The following MEGF6 variants were observed in gnomAD, a reference collection of about 807,000 sequenced individuals.
MEGF6 encodes multiple epidermal growth factor-like domains protein 6.
A neutral mutation model predicts 207.1 loss-of-function variants in MEGF6; 184 were observed. The observed-to-expected ratio is 0.89, with a 90% CI of 0.79 to 1.00. The LOEUF is 1.00. Ranked by LOEUF, MEGF6 falls within the 50% of genes least tolerant of loss-of-function variation. The pLI, the probability that MEGF6 is intolerant of heterozygous loss-of-function variation, is 0.00. For synonymous variants in MEGF6, 1,038 were observed against 910.0 expected, an observed-to-expected ratio of 1.14 and a Z score of -2.53; for missense variants, 2,282 against 2,202.9, an observed-to-expected ratio of 1.04 and a Z score of -0.72.
chr1:3,616,796 G>A, the MEGF6 span, among the ~76,000 whole-genome samples: 1 of 152,218 alleles, frequency 6.6e-6, no homozygotes. Flanking sequence ...AAGCGTGGCG[G>A]GGGAGAACGG....
chr1:3,508,571 G>A lies in MEGF6; in HGVS notation c.1647C>T (p.Leu549=), dbSNP rs973252966. The A allele has an allele frequency of 3.1e-6, 5 of 1,613,040 alleles. No homozygotes were observed. Among genetic ancestry groups the A allele is most frequent in the African/African-American group, 1.3e-5 (1 of 74,922 alleles). Residue 549 remains leucine (L), a synonymous_variant, in exon 13 of 37, where the codon CTC becomes CTT. Transcript: ENST00000356575. ...CAGCTGCCTCACTCTCATTGCAGAT[G>A]AGCCCAGTCCAGCCCTCGGGGCAAT... The part of the protein sequence containing the change: ...GCDCPEGWTG[L]ICNETCPPDT...
chr1:3,576,046 C>T (rs1360570967), intron 4 of MEGF6, among the ~76,000 whole-genome samples: 3 of 152,260 alleles, frequency 2.0e-5, no homozygotes, highest in African/African-American at 7.2e-5. Flanking sequence ...TAGGTTACCC[C>T]GGTCACACAG....
intron 7 of MEGF6, among the ~76,000 whole-genome samples, chr1:3,514,114 G>A (rs1474280403): frequency 3.3e-5 from 5 of 152,042 alleles, no homozygotes; most frequent in African/African-American, 4.8e-5. Context: ...CAGGCCTGGC[G>A]GCGGGTGCCT....
In MEGF6 at chr1:3,501,896, C is replaced by T. The variant is rs1640888852; in HGVS notation, c.2214G>A (p.Val738=). The T allele has an allele frequency of 6.2e-7, 1 of 1,606,132 alleles. No individual in the cohort carries two copies. The highest frequency in any genetic ancestry group is 1.1e-5 in the South Asian group (1 of 90,730). The change falls in exon 18 of 37, where the codon GTG becomes GTA. Residue 738 remains valine (V), a synonymous_variant. Transcript: ENST00000356575. ...GQECPVGTFG[V]NCSSSCSCGG... ...CACAGGAGCAGGAGCTCGAGCAGTT[C>T]ACGCCAAACGTCCCCACCGGGCACT...
At chr1:3,608,742 G>A (rs1191572469) in intron 1 of MEGF6, among the ~76,000 whole-genome samples, 4 of 152,162 alleles carry the variant, frequency 2.6e-5, no homozygotes, top group Non-Finnish European at 4.4e-5. Context: ...CTTAGCAGGT[G>A]GGCAATCGGC....
chr1:3,502,091 G>GAGTGTGCCCCC (rs1640924936), intron 17 of MEGF6, among the ~76,000 whole-genome samples, 170 bp from the exon 18 acceptor site: 9 of 1,492 alleles, frequency 6.0e-3, no homozygotes, highest in Admixed American at 0.017. Flanking sequence ...GTGCCCCCCC[G>GAGTGTGCCCCC]CGCCTCCTCA....
At chr1:3,591,298 C>T (rs993877950) in intron 3 of MEGF6, among the ~76,000 whole-genome samples, 2 of 152,180 alleles carry the variant, frequency 1.3e-5, no homozygotes, top group African/African-American at 4.8e-5. Flanking sequence ...AACCACCGAG[C>T]AGGGGGTAAG....
chr1:3,545,779 G>A (rs1642681995), intron 4 of MEGF6, among the ~76,000 whole-genome samples: 1 of 152,220 alleles, frequency 6.6e-6, no homozygotes, highest in South Asian at 2.1e-4. Context: ...GGGCTCCCAA[G>A]CCTCCCAGGC....
intron 4 of MEGF6, among the ~76,000 whole-genome samples, chr1:3,575,646 G>A (rs1017618206): frequency 1.1e-4 from 15 of 132,448 alleles, no homozygotes; most frequent in Non-Finnish European, 2.3e-4. Flanking sequence ...TACATGGATG[G>A]CAGCAGGCAA....
At chr1:3,500,172 C>T (rs1181107394) in intron 21 of MEGF6, among the ~76,000 whole-genome samples, 1 of 152,198 alleles carries the variant, frequency 6.6e-6, no homozygotes, top group East Asian at 1.9e-4. Flanking sequence ...GTCCGTAGGA[C>T]GCCCAACCCA....
At chr1:3,606,131 C>T (rs1200274668) in intron 1 of MEGF6, among the ~76,000 whole-genome samples, 4 of 152,208 alleles carry the variant, frequency 2.6e-5, no homozygotes, top group African/African-American at 7.2e-5. Context: ...TCGTGATGAA[C>T]GCACCCACCC....
At chr1:3,504,285 G>A (rs192565526) in intron 17 of MEGF6, among the ~76,000 whole-genome samples, 17 of 152,288 alleles carry the variant, frequency 1.1e-4, no homozygotes, top group African/African-American at 3.4e-4. Context: ...GGGAGGCTCC[G>A]ACCTGCCCAG....
At chr1:3,494,151 A>T in intron 32 of MEGF6, 27 bp from the exon 33 acceptor site, 1 of 1,534,460 alleles carries the variant, frequency 6.5e-7, no homozygotes, top group Non-Finnish European at 8.8e-7. Context: ...ACCACGAGAC[A>T]AGGGCACACG....
intron 3 of MEGF6, among the ~76,000 whole-genome samples, chr1:3,581,348 CACATTCAGG>C: frequency 6.6e-6 from 1 of 152,154 alleles, no homozygotes; most frequent in Non-Finnish European, 1.5e-5. Flanking sequence ...CACATCTGGC[CACATTCAGG>C]CCCTACCAGC....
chr1:3,508,683 A>G lies in MEGF6; in HGVS notation c.1535T>C (p.Leu512Pro). The G allele has an allele frequency of 6.2e-7, 1 of 1,613,186 alleles. No individual in the cohort carries two copies. The highest frequency in any genetic ancestry group is 8.5e-7 in the Non-Finnish European group (1 of 1,179,896). The change falls in exon 13 of 37, where the codon CTG becomes CCG. Residue 512 changes from leucine to proline, a missense_variant. By Grantham distance (98) the Leu-to-Pro change is moderately conservative (BLOSUM62 -3). Transcript: ENST00000356575. ...EHTLTEKFVC[L>P]DDSFGHDCSL... ...GCAGTCATGGCCAAAGGAGTCATCC[A>G]GGCAGACTGGGGGCAGACCAGGATG...
At chr1:3,543,221 T>C (rs1353310408) in intron 4 of MEGF6, among the ~76,000 whole-genome samples, 1 of 152,130 alleles carries the variant, frequency 6.6e-6, no homozygotes, top group Non-Finnish European at 1.5e-5. Context: ...CACTCAGAGC[T>C]TGATGGGGCC....
At chr1:3,552,038 C>T (rs940496530) in intron 4 of MEGF6, among the ~76,000 whole-genome samples, 3 of 152,298 alleles carry the variant, frequency 2.0e-5, no homozygotes, top group South Asian at 2.1e-4. Flanking sequence ...AGCCCAGGCA[C>T]GGGAGGGGAC....
chr1:3,616,464 C>T (rs989834533), upstream of MEGF6, among the ~76,000 whole-genome samples: 16 of 152,142 alleles, frequency 1.1e-4, no homozygotes, highest in African/African-American at 2.9e-4. Flanking sequence ...ACGACCACCC[C>T]GGACCGCCCC....
chr1:3,508,908 G>A (rs1641222008), intron 12 of MEGF6, among the ~76,000 whole-genome samples, 167 bp downstream of exon 12: 1 of 152,202 alleles, frequency 6.6e-6, no homozygotes, highest in Non-Finnish European at 1.5e-5. Flanking sequence ...CGCACGAGCT[G>A]CGCAAACTGA....
Sources: allele counts gnomAD v4.1 joint callset (sites outside exome capture counted in the v4.1 genomes callset), GRCh38; gene constraint gnomAD v4.1.1; transcripts MANE v1.5; gene names NCBI Gene and HGNC (gene_info 2026-07-23, HGNC 2026-07-21).